The following STK39 variants were observed in gnomAD, a reference collection of about 807,000 sequenced individuals.
STK39 encodes STE20/SPS1-related proline-alanine-rich protein kinase.
In STK39, 20 loss-of-function variants were observed where a neutral mutation model predicts 77.8. That is an observed-to-expected ratio of 0.26 (90% CI 0.18 to 0.37). The LOEUF (loss-of-function observed/expected upper bound fraction) is 0.37. Among genes scored for constraint, STK39 ranks in the 10% least tolerant of loss-of-function variants. The pLI, the probability that STK39 is intolerant of heterozygous loss-of-function variation, is 1.00. For synonymous variants in STK39, 246 were observed against 234.1 expected (o/e 1.05, Z -0.47); for missense variants, 479 against 656.5 (o/e 0.73, Z 2.95).
intron 14 of STK39, among the ~76,000 whole-genome samples, chr2:168,034,000 A>G (rs74943226): frequency 1.5e-3 from 224 of 152,352 alleles, no homozygotes; most frequent in African/African-American, 5.3e-3. Context: ...GTTGTGTTTT[A>G]CAAGTCCAAT....
chr2:167,971,245 G>A (rs1378795947), intron 16 of STK39, among the ~76,000 whole-genome samples: 1 of 152,090 alleles, frequency 6.6e-6, no homozygotes, highest in Non-Finnish European at 1.5e-5. Context: ...ATCCAAACTG[G>A]GTTTGGAAGT....
At chr2:168,129,869 T>C (rs906034488) in intron 8 of STK39, 111 bp from the exon 9 acceptor site, 50 of 1,161,360 alleles carry the variant, frequency 4.3e-5, no homozygotes, top group Middle Eastern at 2.9e-4. Context: ...ATTTTAGTAA[T>C]AGCAAAACTG....
chr2:168,022,801 AC>A (rs1349251776), intron 14 of STK39, among the ~76,000 whole-genome samples: 1 of 152,232 alleles, frequency 6.6e-6, no homozygotes, highest in African/African-American at 2.4e-5. Context: ...TGATACACAG[AC>A]CCACAGACTG....
intron 8 of STK39, 78 bp from the exon 9 acceptor site, chr2:168,129,836 T>G (rs1053950868): frequency 1.3e-6 from 2 of 1,514,622 alleles, no homozygotes; most frequent in African/African-American, 1.4e-5. Context: ...CAACTTAACC[T>G]TAAGAGTATT....
rs1187292608 is a variant in STK39 at position 168,181,989 on chromosome 2, C to G, written c.310G>C (p.Asp104His). 1 of 1,613,682 alleles carries G rather than the reference C, an allele frequency of 6.2e-7. No individual in the cohort carries two copies. The highest frequency in any genetic ancestry group is 1.3e-5 in the African/African-American group (1 of 74,896). The change falls in exon 2 of 18, where the codon GAT becomes CAT. Residue 104 changes from aspartate (D) to histidine (H), a missense_variant. Around this residue, in one of 3 missense-constraint regions of STK39, gnomAD observed 139 missense variants for 280.6 expected, o/e 0.50. Transcript: ENST00000355999. ...GCACTGTTACTTACTAATAGTTCAT[C>G]CATACTGGTCTGGCATTTTTCCAAG... is the stretch of plus-strand genomic sequence containing the variant. ...INLEKCQTSMDELLKEIQAMS... is the reference protein window; with the variant it reads ...INLEKCQTSMHELLKEIQAMS...
intron 16 of STK39, among the ~76,000 whole-genome samples, chr2:167,970,902 G>T (rs980065148): frequency 6.6e-6 from 1 of 152,128 alleles, no homozygotes; most frequent in Non-Finnish European, 1.5e-5. Context: ...CCATAAATTT[G>T]TCTGACCATA....
intron 5 of STK39, among the ~76,000 whole-genome samples, chr2:168,157,562 G>A (rs985319692): frequency 5.3e-5 from 8 of 152,092 alleles, no homozygotes; most frequent in East Asian, 1.9e-4. Flanking sequence ...GTAAGGACCC[G>A]CCTTCTTGTT....
chr2:168,240,713 C>T (rs1177605645), intron 1 of STK39, among the ~76,000 whole-genome samples: 6 of 152,174 alleles, frequency 3.9e-5, no homozygotes, highest in South Asian at 4.1e-4. Context: ...AACATTCAAA[C>T]GAAGACATTA....
At chr2:168,036,953 A>T (rs2105346664) in intron 14 of STK39, among the ~76,000 whole-genome samples, 1 of 152,348 alleles carries the variant, frequency 6.6e-6, no homozygotes, top group African/African-American at 2.4e-5. Context: ...AAGAACAAAT[A>T]CGTTCAGAAT....
rs539564234 is a variant in STK39 at position 168,021,886 on chromosome 2, T to C, written c.1377-4791A>G. Among the ~76,000 whole-genome samples, 3 of 152,240 alleles carry C rather than the reference T, an allele frequency of 2.0e-5. No homozygotes were observed. In the South Asian group the frequency reaches 6.2e-4, roughly 32 times the overall value. On this transcript the variant is annotated intron_variant, in intron 14 of 17. Coordinates refer to ENST00000355999, the MANE Select transcript of STK39 (RefSeq NM_013233.3). ...GTGAAAATTGGCCCTCTCACTCCTG[T>C]CACCCAACTACCTGGTTGCCCTTCC... is the stretch of plus-strand genomic sequence containing the variant.
intron 14 of STK39, among the ~76,000 whole-genome samples, chr2:168,060,293 T>G (rs1685631391): frequency 6.6e-6 from 1 of 152,224 alleles, no homozygotes; most frequent in African/African-American, 2.4e-5. Flanking sequence ...ATTCATATGC[T>G]GAAGCCCTAA....
At chr2:168,067,171 G>A (rs1184607813) in intron 12 of STK39, among the ~76,000 whole-genome samples, 1 of 152,138 alleles carries the variant, frequency 6.6e-6, no homozygotes, top group Non-Finnish European at 1.5e-5. Flanking sequence ...GCAGTGAGCT[G>A]TGATCACACC....
intron 16 of STK39, among the ~76,000 whole-genome samples, chr2:167,992,940 G>A (rs1230329355): frequency 6.6e-6 from 1 of 152,152 alleles, no homozygotes; most frequent in African/African-American, 2.4e-5. Flanking sequence ...TTAAGTAGGA[G>A]ACACTCACCA....
chr2:167,981,004 A>G (rs1227896092), intron 16 of STK39, among the ~76,000 whole-genome samples: 2 of 151,940 alleles, frequency 1.3e-5, no homozygotes, highest in African/African-American at 2.4e-5. Flanking sequence ...AATCAAATCA[A>G]TTCAAGGATG....
Position 167,970,881 on chromosome 2 carries a change from A to AT in STK39, c.1499-6156dup, listed in dbSNP as rs199909998. Reference sequence around the variant, plus strand: ...ACTTCTGATTTCTATATGTTACTTTATTTTTTTTGTCCATAAATTTGTCTG... The same window carrying AT: ...ACTTCTGATTTCTATATGTTACTTTATTTTTTTTTGTCCATAAATTTGTCTG... On this transcript the variant is annotated intron_variant, in intron 16 of 17. Transcript: ENST00000355999. Among the ~76,000 whole-genome samples the AT allele has an allele frequency of 3.1e-3, 478 of 151,996 alleles. 2 individuals carry two copies. Among genetic ancestry groups the AT allele is most frequent in the African/African-American group, 0.011 (449 of 41,454 alleles).
intron 10 of STK39, among the ~76,000 whole-genome samples, chr2:168,082,819 T>A (rs1259870747): frequency 6.6e-6 from 1 of 152,226 alleles, no homozygotes; most frequent in African/African-American, 2.4e-5. Context: ...TTTTCAAAGT[T>A]GAGTTTGCCA....
At chr2:168,210,812 G>A (rs1032854995) in intron 1 of STK39, among the ~76,000 whole-genome samples, 1 of 152,066 alleles carries the variant, frequency 6.6e-6, no homozygotes, top group South Asian at 2.1e-4. Context: ...GAGCCACTGC[G>A]CCCAGCCTCA....
chr2:167,970,814 G>A (rs1692315245), intron 16 of STK39, among the ~76,000 whole-genome samples: 1 of 152,142 alleles, frequency 6.6e-6, no homozygotes, highest in African/African-American at 2.4e-5. Flanking sequence ...TTCAAATAAG[G>A]CAAATGCTGA....
intron 1 of STK39, among the ~76,000 whole-genome samples, chr2:168,206,728 A>G (rs1689752483): frequency 6.6e-6 from 1 of 152,242 alleles, no homozygotes; most frequent in Non-Finnish European, 1.5e-5. Flanking sequence ...TCTAGAAAAC[A>G]GACACCCAAT....
Sources: gnomAD v4.1 joint callset for allele counts (sites outside exome capture counted in the v4.1 genomes callset) on GRCh38, gnomAD v4.1.1 for gene constraint, gnomAD v4.1.1 regional missense constraint, MANE v1.5 for transcripts, NCBI Gene and HGNC (gene_info 2026-07-23, HGNC 2026-07-21) for gene names.